Variants in MAGI2 observed in about 807,000 individuals in gnomAD.
MAGI2 encodes membrane-associated guanylate kinase, WW and PDZ domain-containing protein 2.
In MAGI2, 35 loss-of-function variants were observed where a neutral mutation model predicts 133.3. The ratio of observed to expected loss-of-function variants is 0.26; its 90% CI spans 0.20 to 0.35. The LOEUF is 0.35. MAGI2 is among the 10% of genes least tolerant of loss of function. The pLI, the probability that MAGI2 is intolerant of heterozygous loss-of-function variation, is 1.00. For synonymous variants in MAGI2, 729 were observed against 710.6 expected (o/e 1.03, Z -0.41); for missense variants, 1,636 against 1,863.4 (o/e 0.88, Z 2.25).
rs111744174 is a variant in MAGI2, at chr7:78,722,652, A to T, written c.419-95413T>A. Among the ~76,000 whole-genome samples, 1,456 of 152,228 alleles carry T rather than the reference A, an allele frequency of 9.6e-3. 27 individuals carry two copies. The highest frequency in any genetic ancestry group is 0.033 in the African/African-American group (1,388 of 41,562). On this transcript the variant is annotated intron_variant, in intron 2 of 21. Transcript: ENST00000354212. ...GGCAAAACATCAGTCTCAGTGTGAT[A>T]TATCAGTTAATAACGTAAGCAGTAA...
chr7:79,128,300 A>G (rs965995640), intron 1 of MAGI2, among the ~76,000 whole-genome samples: 1 of 152,150 alleles, frequency 6.6e-6, no homozygotes, highest in African/African-American at 2.4e-5. Flanking sequence ...TCCTTACCAG[A>G]CATGTCAAAA....
intron 3 of MAGI2, among the ~76,000 whole-genome samples, chr7:78,621,128 C>G (rs1807688111): frequency 6.6e-6 from 1 of 151,998 alleles, no homozygotes; most frequent in African/African-American, 2.4e-5. Context: ...AAAGACCTGT[C>G]TTCCTTGCAG....
chr7:78,132,208 A>T (rs1462569229), intron 18 of MAGI2, among the ~76,000 whole-genome samples: 1 of 152,116 alleles, frequency 6.6e-6, no homozygotes, highest in Non-Finnish European at 1.5e-5. Context: ...ATCCTTCAAC[A>T]TTCTCCCTAC....
At chr7:79,409,538 A>G (rs2129170192) in intron 1 of MAGI2, among the ~76,000 whole-genome samples, 1 of 152,006 alleles carries the variant, frequency 6.6e-6, no homozygotes, top group East Asian at 1.9e-4. Context: ...CTATTTACTG[A>G]GAACTGAACG....
At chr7:78,145,814 G>C (rs1388930258) in intron 16 of MAGI2, among the ~76,000 whole-genome samples, 1 of 152,138 alleles carries the variant, frequency 6.6e-6, no homozygotes, top group Non-Finnish European at 1.5e-5. Flanking sequence ...ATATGTTGGA[G>C]TGAGAGAGCT....
intron 2 of MAGI2, among the ~76,000 whole-genome samples, chr7:78,636,636 A>C (rs1809679322): frequency 6.6e-6 from 1 of 152,046 alleles, no homozygotes; most frequent in Non-Finnish European, 1.5e-5. Flanking sequence ...GTCTCCACTA[A>C]AAATACAAAA....
chr7:78,577,517 G>C (rs1378537052), intron 3 of MAGI2, among the ~76,000 whole-genome samples: 1 of 152,172 alleles, frequency 6.6e-6, no homozygotes, highest in Non-Finnish European at 1.5e-5. Context: ...AACAGGCTTT[G>C]TGTGAGCAAT....
chr7:78,556,996 C>T lies in MAGI2; in HGVS notation c.539-35351G>A, dbSNP rs77187407. On this transcript the variant is annotated intron_variant, in intron 3 of 21. Coordinates refer to ENST00000354212, the MANE Select transcript of MAGI2 (RefSeq NM_012301.4). ...GTCCCAGCTACTCAGGAGGCTGAGG[C>T]AGAAGAATGGTGTTAATCGGGCAGA... Among the ~76,000 whole-genome samples the T allele has an allele frequency of 5.2e-3, 738 of 141,178 alleles. 13 individuals carry two copies. Among genetic ancestry groups the T allele is most frequent in the Admixed American group, 0.031 (407 of 13,206 alleles). 92.6% of individuals were successfully genotyped at this position (141,178 alleles called of 152,430 possible).
At chr7:79,203,003 T>A (rs1828742239) in intron 1 of MAGI2, among the ~76,000 whole-genome samples, 1 of 152,042 alleles carries the variant, frequency 6.6e-6, no homozygotes, top group Non-Finnish European at 1.5e-5. Context: ...ATCCACAAAA[T>A]CCTGGCCCAC....
At chr7:78,537,204 CACAG>C (rs371272692) in intron 3 of MAGI2, among the ~76,000 whole-genome samples, 9 of 149,602 alleles carry the variant, frequency 6.0e-5, no homozygotes, top group African/African-American at 2.0e-4. Context: ...CACACACACA[CACAG>C]ACACATTTTC....
At chr7:78,099,490 A>T (rs1310138113) in intron 20 of MAGI2, among the ~76,000 whole-genome samples, 1 of 152,182 alleles carries the variant, frequency 6.6e-6, no homozygotes, top group Non-Finnish European at 1.5e-5. Flanking sequence ...TTCCTTTTCA[A>T]ATTTAGATAT....
At chr7:79,052,699 CA>C (rs985910338) in intron 1 of MAGI2, among the ~76,000 whole-genome samples, 44 of 152,036 alleles carry the variant, frequency 2.9e-4, no homozygotes, top group African/African-American at 1.0e-3. Context: ...TTAAATAAAC[CA>C]AAAATTGGTC....
At chr7:78,782,107 G>T (rs1027683957) in intron 2 of MAGI2, among the ~76,000 whole-genome samples, 6 of 152,188 alleles carry the variant, frequency 3.9e-5, no homozygotes, top group Non-Finnish European at 8.8e-5. Flanking sequence ...TTCTAATGAG[G>T]TGAAAAAGTA....
rs539094086 is a variant in MAGI2, at chr7:78,132,842, C to T, written c.3203+47G>A. 10 of 1,613,676 alleles carry T rather than the reference C, an allele frequency of 6.2e-6. No individual in the cohort carries two copies. In the African/African-American group the frequency reaches 6.7e-5, roughly 11 times the overall value. On this transcript the variant is annotated intron_variant, in intron 18 of 21. Transcript: ENST00000354212. ...CTGTCCCCAAATACTCCCTCCTTTCCCCACCCTATCACCTCTCAGAATCAC... is the reference window on the plus strand; with the variant it reads ...CTGTCCCCAAATACTCCCTCCTTTCTCCACCCTATCACCTCTCAGAATCAC...
In MAGI2 at chr7:78,596,183, G is replaced by GAA. The variant is rs1804582425; in HGVS notation, c.538+30936_538+30937insTT. On this transcript the variant is annotated intron_variant, in intron 3 of 21. Coordinates refer to ENST00000354212, the MANE Select transcript of MAGI2 (RefSeq NM_012301.4). Reference sequence around the variant, plus strand: ...GGAGGGAGGGAAGAAATGAAGGAAGGGAGGGAGGGAGGGAGGGAAGGAATG... The same window carrying GAA: ...GGAGGGAGGGAAGAAATGAAGGAAGGAAGAGGGAGGGAGGGAGGGAAGGAATG... Among the ~76,000 whole-genome samples the GAA allele has an allele frequency of 4.1e-4, 16 of 39,002 alleles. No individual in the cohort carries two copies. In the South Asian group the frequency reaches 0.019, roughly 46 times the overall value. The allele number at this position is 39,002 out of a possible 152,430, so 25.6% of individuals were successfully genotyped here. A position where few individuals can be genotyped will look rare whatever the true frequency, so the allele number is the denominator to read the frequency against.
At chr7:78,805,182 A>T (rs1280953160) in intron 2 of MAGI2, among the ~76,000 whole-genome samples, 1 of 151,838 alleles carries the variant, frequency 6.6e-6, no homozygotes, top group Admixed American at 6.6e-5. Flanking sequence ...GATGCTGTCA[A>T]AGTTTTGACA....
intron 2 of MAGI2, among the ~76,000 whole-genome samples, chr7:78,689,762 A>G (rs1423730003): frequency 1.0e-4 from 12 of 118,898 alleles, no homozygotes; most frequent in African/African-American, 4.0e-4. Context: ...TCAGTAATTC[A>G]TTCCCTTTTA....
At chr7:79,300,867 T>C (rs530220830) in intron 1 of MAGI2, among the ~76,000 whole-genome samples, 1 of 152,346 alleles carries the variant, frequency 6.6e-6, no homozygotes, top group South Asian at 2.1e-4. Flanking sequence ...CTGGAGATAC[T>C]GCTCTCACAT....
intron 6 of MAGI2, among the ~76,000 whole-genome samples, chr7:78,474,816 T>C (rs1373307286): frequency 2.6e-5 from 4 of 151,564 alleles, no homozygotes; most frequent in Non-Finnish European, 5.9e-5. Flanking sequence ...ATTATTTAAA[T>C]AATATTTAAT....
Sources: allele counts gnomAD v4.1 joint callset (sites outside exome capture counted in the v4.1 genomes callset), GRCh38; gene constraint gnomAD v4.1.1; transcripts MANE v1.5; gene names NCBI Gene and HGNC (gene_info 2026-07-23, HGNC 2026-07-21).